Variants in TNRC6B observed in about 807,000 individuals in gnomAD.
TNRC6B encodes the protein trinucleotide repeat containing adaptor 6B.
Under a neutral mutation model 203.6 loss-of-function variants are expected in TNRC6B, and 52 were observed. That is an observed-to-expected ratio of 0.26 (90% confidence interval 0.20 to 0.32). TNRC6B has a LOEUF of 0.32. TNRC6B is among the 10% of genes least tolerant of loss of function. The probability of loss-of-function intolerance (pLI) is 1.00; values close to 1 mark genes in which losing one functional copy is unlikely to be tolerated. For synonymous variants in TNRC6B, 838 were observed against 845.7 expected (o/e 0.99, Z 0.16); for missense variants, 1,923 against 2,286.2 (o/e 0.84, Z 3.24).
At chr22:40,249,528 C>T (rs2070154745) in intron 2 of TNRC6B, among the ~76,000 whole-genome samples, 1 of 152,152 alleles carries the variant, frequency 6.6e-6, no homozygotes, top group African/African-American at 2.4e-5. Flanking sequence ...CATTGTTTAG[C>T]GTTGGCAGAA....
At position 40,283,439 on chromosome 22, in the gene TNRC6B, G is replaced by C. The variant is rs372065391; in HGVS notation, c.3582+2150G>C. On this transcript the variant is annotated intron_variant, in intron 11 of 22. Transcript: ENST00000454349. ...CCCAAAATGGTAGGATTACAGGTGT[G>C]AATCACTGTACCTGGCCTTTATAAG... Among the ~76,000 whole-genome samples, 5 of 152,250 alleles carry C rather than the reference G, an allele frequency of 3.3e-5. No individual in the cohort carries two copies. In the East Asian group the frequency reaches 7.7e-4, roughly 23 times the overall value.
intron 4 of TNRC6B, among the ~76,000 whole-genome samples, chr22:40,169,182 A>T (rs1176781286): frequency 2.3e-5 from 3 of 132,140 alleles, no homozygotes; most frequent in African/African-American, 8.9e-5. Context: ...GCCAGGCTGG[A>T]GTGCAGTGGC....
At chr22:40,170,435 AGT>A (rs2068966180) in intron 4 of TNRC6B, among the ~76,000 whole-genome samples, 1 of 22,250 alleles carries the variant, frequency 4.5e-5, no homozygotes, top group Non-Finnish European at 6.3e-5. Context: ...TTATATATAT[AGT>A]TTATATATAT....
intron 1 of TNRC6B, among the ~76,000 whole-genome samples, chr22:40,238,502 C>T (rs1013349244): frequency 3.3e-5 from 5 of 152,108 alleles, no homozygotes; most frequent in Non-Finnish European, 5.9e-5. Flanking sequence ...CTTCTGGTCT[C>T]ATCCCTGCCA....
chr22:40,322,166 A>C (rs1391761930), intron 22 of TNRC6B, among the ~76,000 whole-genome samples: 3 of 152,188 alleles, frequency 2.0e-5, no homozygotes, highest in African/African-American at 7.2e-5. Context: ...GGAAAGAAAG[A>C]GACCATATTT....
rs556658843 is a variant in TNRC6B at position 40,255,893 on chromosome 22, C to A, written c.115+4693C>A. 7.2e-5 allele frequency among the ~76,000 whole-genome samples: 11 copies of A among 152,096 alleles called. 1 individual carries two copies. Among genetic ancestry groups the A allele is most frequent in the Non-Finnish European group, 1.6e-4 (11 of 68,028 alleles). ...TTTGAGACAGAGTCTTGCTCTGTTG[C>A]CCCAGCTGGAGTGCAATGGCATGAT... On this transcript the variant is annotated intron_variant, in intron 3 of 22. Coordinates refer to ENST00000454349, the MANE Select transcript of TNRC6B (RefSeq NM_001162501.2).
At chr22:40,246,196 A>T (rs892025820) in intron 2 of TNRC6B, 94 bp downstream of exon 2, 1 of 1,024,354 alleles carries the variant, frequency 9.8e-7, no homozygotes, top group Non-Finnish European at 1.4e-6. Context: ...GATATCTTTT[A>T]TTTTTTTTCC....
intron 2 of TNRC6B, among the ~76,000 whole-genome samples, chr22:40,117,867 G>GT (rs1400753352): frequency 2.0e-5 from 3 of 152,056 alleles, no homozygotes; most frequent in Non-Finnish European, 4.4e-5. Context: ...TATTAAAGTT[G>GT]TTTATTTGTA....
chr22:40,147,466 A>G (rs2068705718), intron 3 of TNRC6B, among the ~76,000 whole-genome samples: 1 of 152,186 alleles, frequency 6.6e-6, no homozygotes, highest in South Asian at 2.1e-4. Flanking sequence ...TTATTTTCTG[A>G]TAGTTCTAGA....
At chr22:40,192,605 A>G (rs1364066701) in intron 1 of TNRC6B, among the ~76,000 whole-genome samples, 1 of 151,330 alleles carries the variant, frequency 6.6e-6, no homozygotes, top group Non-Finnish European at 1.5e-5. Flanking sequence ...CAACTGAGCG[A>G]GACTCTGCCT....
chr22:40,318,997 G>A (rs945570639), intron 21 of TNRC6B, among the ~76,000 whole-genome samples: 5 of 151,994 alleles, frequency 3.3e-5, no homozygotes, highest in African/African-American at 7.3e-5. Context: ...GCTTGAACCC[G>A]GGGGTGAAGG....
At chr22:40,049,286 C>G (rs1214227373) in intron 1 of TNRC6B, among the ~76,000 whole-genome samples, 1 of 151,800 alleles carries the variant, frequency 6.6e-6, no homozygotes, top group Non-Finnish European at 1.5e-5. Flanking sequence ...CTCAGCCTCC[C>G]AAAGTGCTAG....
At chr22:40,082,037 T>C (rs1257228360) in intron 1 of TNRC6B, among the ~76,000 whole-genome samples, 1 of 152,124 alleles carries the variant, frequency 6.6e-6, no homozygotes, top group African/African-American at 2.4e-5. Context: ...TGGGTGTATA[T>C]ATAATGAGAG....
chr22:40,158,387 T>G (rs985430673), intron 4 of TNRC6B, among the ~76,000 whole-genome samples: 7 of 140,802 alleles, frequency 5.0e-5, no homozygotes, highest in South Asian at 2.3e-4. Flanking sequence ...AATAAATAAA[T>G]AAAGAGGGAG....
chr22:40,138,335 AGCTCACT>A (rs1476128129), intron 3 of TNRC6B, among the ~76,000 whole-genome samples: 2 of 152,198 alleles, frequency 1.3e-5, no homozygotes, highest in African/African-American at 4.8e-5. Context: ...GTATGATCTC[AGCTCACT>A]GCAACCTCTG....
chr22:40,237,899 C>G (rs1018660851), intron 1 of TNRC6B, among the ~76,000 whole-genome samples: 15 of 152,000 alleles, frequency 9.9e-5, no homozygotes, highest in African/African-American at 3.6e-4. Flanking sequence ...TGTCTCCCAT[C>G]TAGAATGTCA....
chr22:40,125,862 G>T, exon 3 of TNRC6B: 2 of 1,611,594 alleles, frequency 1.2e-6, no homozygotes, highest in Non-Finnish European at 1.7e-6. Context: ...GCAGTTCCAA[G>T]GTCAGTAAAT....
At chr22:40,188,981 ACTACT>A (rs2069238819) in intron 1 of TNRC6B, among the ~76,000 whole-genome samples, 3 of 152,180 alleles carry the variant, frequency 2.0e-5, no homozygotes, top group South Asian at 2.1e-4. Flanking sequence ...TTTAGAAGGC[ACTACT>A]CATGAGTTGC....
intron 4 of TNRC6B, among the ~76,000 whole-genome samples, chr22:40,163,158 A>T (rs747529679): frequency 3.3e-5 from 5 of 151,910 alleles, no homozygotes; most frequent in Non-Finnish European, 5.9e-5. Flanking sequence ...TCACGCCTGT[A>T]ATCTCAACAC....
Sources: allele counts gnomAD v4.1 joint callset (sites outside exome capture counted in the v4.1 genomes callset), GRCh38; gene constraint gnomAD v4.1.1; transcripts MANE v1.5; gene names NCBI Gene and HGNC (gene_info 2026-07-23, HGNC 2026-07-21).